Variants in TPD52 observed in about 807,000 individuals in gnomAD.
The protein encoded by TPD52 is tumor protein D52.
TPD52 carries 17 observed loss-of-function variants against 31.3 expected under a neutral mutation model. The ratio of observed to expected loss-of-function variants is 0.54; its 90% CI spans 0.37 to 0.82. The LOEUF (loss-of-function observed/expected upper bound fraction) is 0.82. Among genes scored for constraint, TPD52 ranks in the 40% least tolerant of loss-of-function variants. The pLI is 0.00. For missense variants in TPD52, 212 were observed against 240.1 expected, an observed-to-expected ratio of 0.88 and a Z score of 0.77; for synonymous variants, 83 against 89.6, an observed-to-expected ratio of 0.93 and a Z score of 0.42.
intron 1 of TPD52, among the ~76,000 whole-genome samples, chr8:80,157,954 G>A (rs2131236683): frequency 6.6e-6 from 1 of 152,160 alleles, no homozygotes; most frequent in Admixed American, 6.5e-5. Flanking sequence ...AGCAAATCCA[G>A]TTATTCTCCC....
At chr8:80,093,093 TCAGATAGGACAAAAC>T (rs1309223041) in intron 1 of TPD52, among the ~76,000 whole-genome samples, 2 of 152,120 alleles carry the variant, frequency 1.3e-5, no homozygotes, top group Non-Finnish European at 2.9e-5. Context: ...GCAGGCAAGT[TCAGATAGGACAAAAC>T]CGGCTGTGTC....
chr8:80,086,466 C>T (rs1427550042), intron 1 of TPD52, among the ~76,000 whole-genome samples: 7 of 151,836 alleles, frequency 4.6e-5, no homozygotes. Context: ...TCAAAAACAT[C>T]GATGTCATAA....
At chr8:80,092,872 G>A (rs1310199807) in intron 1 of TPD52, among the ~76,000 whole-genome samples, 3 of 151,860 alleles carry the variant, frequency 2.0e-5, no homozygotes, top group Non-Finnish European at 4.4e-5. Flanking sequence ...GTTGAGCAGG[G>A]GTGGGGGTAG....
intron 1 of TPD52, among the ~76,000 whole-genome samples, chr8:80,072,317 A>ATGTGTG (rs146024001): frequency 0.019 from 2,254 of 121,348 alleles, 291 homozygotes; most frequent in African/African-American, 0.063. Flanking sequence ...AAAAACATAT[A>ATGTGTG]TGTGTGTGTG....
chr8:80,149,236 G>C (rs1168121002), intron 1 of TPD52, among the ~76,000 whole-genome samples: 1 of 152,128 alleles, frequency 6.6e-6, no homozygotes, highest in Non-Finnish European at 1.5e-5. Context: ...TGCTGTTCTT[G>C]TGATAGTAAG....
chr8:80,123,628 G>A (rs777812522), intron 1 of TPD52, among the ~76,000 whole-genome samples: 3 of 152,210 alleles, frequency 2.0e-5, no homozygotes, highest in Admixed American at 6.5e-5. Flanking sequence ...GATGTGCTGC[G>A]TGGGCAGTTG....
intron 1 of TPD52, among the ~76,000 whole-genome samples, chr8:80,122,514 C>T (rs994342303): frequency 6.6e-6 from 1 of 152,236 alleles, no homozygotes; most frequent in East Asian, 1.9e-4. Context: ...GGAGGCAACA[C>T]ACAAGCACAT....
chr8:80,138,856 G>A (rs981956039), intron 1 of TPD52, among the ~76,000 whole-genome samples: 4 of 152,112 alleles, frequency 2.6e-5, no homozygotes, highest in Admixed American at 2.0e-4. Flanking sequence ...CAAGGCCAAG[G>A]TAACCAAAAT....
intron 1 of TPD52, among the ~76,000 whole-genome samples, chr8:80,107,704 A>G (rs1049980692): frequency 1.3e-5 from 2 of 152,192 alleles, no homozygotes; most frequent in African/African-American, 2.4e-5. Context: ...CATGCATGTA[A>G]ATTATTTCTA....
intron 1 of TPD52, among the ~76,000 whole-genome samples, chr8:80,161,054 G>A (rs905406910): frequency 1.3e-5 from 2 of 151,928 alleles, no homozygotes; most frequent in African/African-American, 4.8e-5. Flanking sequence ...GCAACAGAGC[G>A]AGACTCTGTC....
chr8:80,139,377 C>A (rs1180622031), intron 1 of TPD52, among the ~76,000 whole-genome samples: 4 of 151,892 alleles, frequency 2.6e-5, no homozygotes, highest in African/African-American at 9.7e-5. Context: ...CAAAAAGAAA[C>A]CCACATCCAT....
At chr8:80,081,369 A>AATTTATTTCCTT (rs3217285) in intron 1 of TPD52, among the ~76,000 whole-genome samples, 30,942 of 151,842 alleles carry the variant, frequency 0.2, 3,428 homozygotes, top group South Asian at 0.32. Context: ...TAAGTCACCA[A>AATTTATTTCCTT]ATTTATTTCC....
intron 1 of TPD52, among the ~76,000 whole-genome samples, chr8:80,079,824 A>T (rs199769688): frequency 1.1e-4 from 1 of 9,502 alleles, no homozygotes; most frequent in African/African-American, 9.2e-4. Context: ...GTTTTTCTTT[A>T]AAAAAAAAAA....
At chr8:80,067,917 A>T (rs1563592403) in intron 1 of TPD52, among the ~76,000 whole-genome samples, 1 of 151,680 alleles carries the variant, frequency 6.6e-6, no homozygotes, top group Non-Finnish European at 1.5e-5. Flanking sequence ...ATGGTATAGG[A>T]TTTAATATGA....
chr8:80,103,594 C>T (rs1301478614), intron 1 of TPD52, among the ~76,000 whole-genome samples: 1 of 152,120 alleles, frequency 6.6e-6, no homozygotes, highest in East Asian at 1.9e-4. Context: ...GAGCAACAAG[C>T]AAACAGATAC....
intron 1 of TPD52, among the ~76,000 whole-genome samples, chr8:80,121,353 A>T (rs1808244469): frequency 6.6e-6 from 1 of 152,112 alleles, no homozygotes; most frequent in South Asian, 2.1e-4. Flanking sequence ...AAGTGACAAG[A>T]CCCTTCTCCG....
At chr8:80,039,976 T>G (rs1468704238) in intron 7 of TPD52, among the ~76,000 whole-genome samples, 1 of 152,044 alleles carries the variant, frequency 6.6e-6, no homozygotes, top group Non-Finnish European at 1.5e-5. Context: ...GGTCCATGTC[T>G]CTCTTGCTCA....
At chr8:80,112,747 A>AC (rs202059676) in intron 1 of TPD52, among the ~76,000 whole-genome samples, 3 of 48,266 alleles carry the variant, frequency 6.2e-5, no homozygotes, top group Non-Finnish European at 1.4e-4. Flanking sequence ...TTCATCAGCA[A>AC]CCCCCCAACC....
intron 1 of TPD52, among the ~76,000 whole-genome samples, chr8:80,083,765 T>C (rs182782088): frequency 3.9e-5 from 6 of 152,294 alleles, no homozygotes; most frequent in African/African-American, 1.4e-4. Flanking sequence ...GCAACTCTTT[T>C]TATTTCCTGT....
Sources: gnomAD v4.1 joint callset for allele counts (sites outside exome capture counted in the v4.1 genomes callset) on GRCh38, gnomAD v4.1.1 for gene constraint, MANE v1.5 for transcripts, NCBI Gene and HGNC (gene_info 2026-07-23, HGNC 2026-07-21) for gene names.